The following SND1 variants were observed in gnomAD, a reference collection of about 807,000 sequenced individuals.
The protein encoded by SND1 is staphylococcal nuclease domain-containing protein 1.
Under a neutral mutation model 121.7 loss-of-function variants are expected in SND1, and 38 were observed. The observed-to-expected ratio is 0.31, with a 90% CI of 0.24 to 0.41. The LOEUF is 0.41. SND1 is among the 10% of genes least tolerant of loss of function. The probability of loss-of-function intolerance (pLI) is 1.00; values close to 1 mark genes in which losing one functional copy is unlikely to be tolerated. For missense variants in SND1, 868 were observed against 1,184.6 expected (o/e 0.73, Z 3.92); for synonymous variants, 401 against 447.4 (o/e 0.90, Z 1.31).
chr7:128,020,596 T>C (rs749625506), intron 16 of SND1, among the ~76,000 whole-genome samples: 1 of 152,234 alleles, frequency 6.6e-6, no homozygotes, highest in African/African-American at 2.4e-5. Flanking sequence ...TTAGGAACCA[T>C]GAACCTGTGT....
intron 15 of SND1, among the ~76,000 whole-genome samples, chr7:127,968,144 A>G (rs941902858): frequency 1.3e-5 from 2 of 152,190 alleles, no homozygotes; most frequent in Non-Finnish European, 2.9e-5. Context: ...GAGAAGACCA[A>G]TTTGATTTGT....
At position 127,707,035 on chromosome 7, in the gene SND1, A is replaced by G. The variant is rs3808098; in HGVS notation, c.948-522A>G. On this transcript the variant is annotated intron_variant, in intron 8 of 23. Transcript: ENST00000354725. ...TATCTACTGGGCATAATACTTCAAAATAAATTTCTGGCTACATAGGTTTTT... is the reference window on the plus strand; with the variant it reads ...TATCTACTGGGCATAATACTTCAAAGTAAATTTCTGGCTACATAGGTTTTT... Among the ~76,000 whole-genome samples, 95 of 152,334 alleles carry G rather than the reference A, an allele frequency of 6.2e-4. 1 individual carries two copies. In the East Asian group the frequency reaches 0.014, roughly 23 times the overall value.
chr7:127,816,692 C>G (rs1211904400), intron 11 of SND1, among the ~76,000 whole-genome samples: 1 of 131,934 alleles, frequency 7.6e-6, no homozygotes, highest in African/African-American at 2.9e-5. Context: ...GTAACAGTGT[C>G]TCGCTCTGTC....
At chr7:127,655,425 A>C (rs1562968775) in intron 1 of SND1, among the ~76,000 whole-genome samples, 2 of 152,170 alleles carry the variant, frequency 1.3e-5, no homozygotes, top group African/African-American at 2.4e-5. Context: ...TTGGTTCTGG[A>C]ATATTTAAGG....
At chr7:127,766,034 A>G (rs2116486941) in intron 10 of SND1, among the ~76,000 whole-genome samples, 2 of 152,236 alleles carry the variant, frequency 1.3e-5, no homozygotes, top group South Asian at 4.1e-4. Flanking sequence ...CAGTGCCGAG[A>G]GGTAGGGGCT....
intron 16 of SND1, among the ~76,000 whole-genome samples, chr7:128,064,878 TA>T (rs1281616288): frequency 6.6e-6 from 1 of 152,142 alleles, no homozygotes; most frequent in African/African-American, 2.4e-5. Context: ...TACAGATATT[TA>T]AAAGGTCAAA....
At chr7:128,022,223 A>G (rs977323299) in intron 16 of SND1, among the ~76,000 whole-genome samples, 1 of 147,988 alleles carries the variant, frequency 6.8e-6, no homozygotes, top group African/African-American at 2.6e-5. Flanking sequence ...AAAAAAAAAA[A>G]AAAAGAAGGT....
chr7:127,812,564 G>T (rs1027883624), intron 11 of SND1, among the ~76,000 whole-genome samples: 4 of 151,880 alleles, frequency 2.6e-5, no homozygotes, highest in African/African-American at 7.2e-5. Flanking sequence ...AGAAAGGAAG[G>T]ACAGGTGTTG....
intron 1 of SND1, among the ~76,000 whole-genome samples, chr7:127,666,720 C>T (rs534162003): frequency 8.5e-5 from 13 of 152,170 alleles, no homozygotes; most frequent in Non-Finnish European, 1.5e-4. Context: ...CTTGCAGTGC[C>T]GGGATCATAA....
chr7:127,805,149 T>C (rs1211048723), intron 10 of SND1, among the ~76,000 whole-genome samples: 1 of 152,220 alleles, frequency 6.6e-6, no homozygotes, highest in African/African-American at 2.4e-5. Context: ...ATCCTGTACA[T>C]CTGTCCCTTG....
At chr7:127,720,628 G>A (rs924870677) in intron 9 of SND1, among the ~76,000 whole-genome samples, 2 of 152,144 alleles carry the variant, frequency 1.3e-5, no homozygotes, top group African/African-American at 2.4e-5. Context: ...TCTTCTGAGC[G>A]TGGGGTTCTG....
At chr7:127,815,520 A>G (rs1798422543) in intron 11 of SND1, among the ~76,000 whole-genome samples, 1 of 152,036 alleles carries the variant, frequency 6.6e-6, no homozygotes, top group Non-Finnish European at 1.5e-5. Flanking sequence ...GGAGGGGAGA[A>G]GAAGAGAAGG....
intron 11 of SND1, among the ~76,000 whole-genome samples, chr7:127,820,883 A>G (rs987188847): frequency 9.9e-5 from 15 of 152,200 alleles, no homozygotes; most frequent in African/African-American, 3.6e-4. Flanking sequence ...TTAGCAAGGA[A>G]AAAGTGATTT....
intron 16 of SND1, among the ~76,000 whole-genome samples, chr7:127,994,913 G>A (rs995251458): frequency 1.3e-4 from 19 of 151,676 alleles, no homozygotes; most frequent in Non-Finnish European, 2.5e-4. Context: ...TAGTAGAGAC[G>A]GGGTTTCACC....
rs1286837088 is a variant in SND1, at chr7:128,026,492, C to G, written c.1779+35436C>G. On this transcript the variant is annotated intron_variant, in intron 16 of 23. Transcript: ENST00000354725. ...CCAATTCCCTGCATTAGTATAAATA[C>G]TAGCACTGAAGAAATGCAGGGTCCT... Among the ~76,000 whole-genome samples, 3 of 152,338 alleles carry G rather than the reference C, an allele frequency of 2.0e-5. No individual in the cohort carries two copies. The East Asian group carries it at 5.8e-4, about 29-fold the overall frequency.
Position 128,029,583 on chromosome 7 carries a change from G to T in SND1, c.1779+38527G>T, listed in dbSNP as rs1792516871. 6.2e-7 allele frequency: 1 copy of T among 1,613,898 alleles called. No homozygotes were observed. The highest frequency in any genetic ancestry group is 1.7e-5 in the Admixed American group (1 of 59,990). ...GTCTCGAGGTGCGTCCATGATGAAG[G>T]GGGCAGAGCACTGGAAGGAGGCCTG... On this transcript the variant is annotated intron_variant, in intron 16 of 23. Transcript: ENST00000354725. This position sits in a 1 kb window ranked among gnomAD's most constrained non-coding sequence, Gnocchi z 4.2.
chr7:127,678,382 C>A (rs145570251), intron 1 of SND1, among the ~76,000 whole-genome samples: 1 of 152,172 alleles, frequency 6.6e-6, no homozygotes, highest in Non-Finnish European at 1.5e-5. Context: ...ATGTAAACTG[C>A]GGCCCGATTT....
chr7:128,016,949 C>T (rs1211648975), intron 16 of SND1, among the ~76,000 whole-genome samples: 2 of 152,204 alleles, frequency 1.3e-5, no homozygotes, highest in Non-Finnish European at 2.9e-5. Context: ...AGGCATAGGC[C>T]AGGTTCTTGA....
chr7:127,748,911 A>C (rs117151498), intron 10 of SND1, among the ~76,000 whole-genome samples: 2,623 of 152,324 alleles, frequency 0.017, 37 homozygotes, highest in South Asian at 0.044. Flanking sequence ...GCTTTAAAGA[A>C]ACAACACCCA....
Sources: gnomAD v4.1 joint callset for allele counts (sites outside exome capture counted in the v4.1 genomes callset) on GRCh38, gnomAD v4.1.1 for gene constraint, Gnocchi (gnomAD v3.1) non-coding constraint, MANE v1.5 for transcripts, NCBI Gene and HGNC (gene_info 2026-07-23, HGNC 2026-07-21) for gene names.